Variants in PHF8 observed in about 807,000 individuals in gnomAD.
The protein encoded by PHF8 is PHD finger protein 8, also known as histone lysine demethylase PHF8.
In PHF8, 9 loss-of-function variants were observed where a neutral mutation model predicts 74.4. The observed-to-expected ratio is 0.12, with a 90% CI of 0.07 to 0.21. The LOEUF (loss-of-function observed/expected upper bound fraction) is 0.21. PHF8 is among the 10% of genes least tolerant of loss of function. The pLI is 1.00. For synonymous variants in PHF8, 311 were observed against 316.6 expected (o/e 0.98, Z 0.19); for missense variants, 478 against 816.6 (o/e 0.59, Z 5.05).
intron 18 of PHF8, among the ~76,000 whole-genome samples, chrX:53,967,296 G>A (rs1603306262): frequency 4.5e-5 from 4 of 87,934 alleles, no homozygotes; most frequent in South Asian, 5.4e-4. Context: ...CCGGCCAGCC[G>A]CCCCGTCCGG....
At chrX:54,020,981 G>T (rs782125787) in intron 4 of PHF8, among the ~76,000 whole-genome samples, 1 of 111,770 alleles carries the variant, frequency 8.9e-6, no homozygotes, top group African/African-American at 3.2e-5. Flanking sequence ...CTAAAAAGAC[G>T]AATGCACTGA....
chrX:54,009,794 G>A (rs1334087356), intron 8 of PHF8, among the ~76,000 whole-genome samples: 1 of 85,454 alleles, frequency 1.2e-5, no homozygotes, highest in Admixed American at 1.6e-4. Flanking sequence ...AGTGAGCCGG[G>A]ATCGCACCAC....
At chrX:53,973,795 GGATCTAATTAAATTAAAGAGCTTCTGCAC>G (rs1303624441) in intron 18 of PHF8, among the ~76,000 whole-genome samples, 1 of 111,414 alleles carries the variant, frequency 9.0e-6, no homozygotes, top group African/African-American at 3.3e-5. Context: ...TTGACAAATG[GGATCTAATTAAATTAAAGAGCTTCTGCAC>G]ATCAAAAGAA....
At chrX:54,022,183 G>A in intron 4 of PHF8, 76 bp downstream of exon 4, 1 of 609,353 alleles carries the variant, frequency 1.6e-6, no homozygotes, top group Non-Finnish European at 2.9e-6. Flanking sequence ...ACAGCCACTG[G>A]GAAAGCTGGG....
intron 11 of PHF8, among the ~76,000 whole-genome samples, chrX:53,998,395 A>C (rs1174537234): frequency 3.6e-5 from 4 of 111,671 alleles, no homozygotes; most frequent in Non-Finnish European, 7.5e-5. Flanking sequence ...CAGAGGCTGC[A>C]GTGAGCTGAG....
In PHF8 at chrX:53,984,986, C is replaced by T. The variant is rs2065537709; in HGVS notation, c.2371G>A (p.Glu791Lys). The T allele has an allele frequency of 5.0e-6, 6 of 1,208,870 alleles. No individual in the cohort carries two copies. The highest frequency in any genetic ancestry group is 1.8e-5 in the South Asian group (1 of 56,732). ...AGACTGGCGTTCTCCTCCTCCTCCT[C>T]GCTCTCGGTTCTCCAGTATGCTGGC... ...KRPAYWRTES[E>K]EEEENASLDE... is the part of the protein sequence containing the mutation. The change falls in exon 18 of 22, where the codon GAG becomes AAG. Residue 791 changes from glutamate (E) to lysine (K), a missense_variant. Transcript: ENST00000338154.
intron 2 of PHF8, among the ~76,000 whole-genome samples, chrX:54,036,273 T>G (rs2066454393): frequency 1.8e-5 from 2 of 110,069 alleles, no homozygotes; most frequent in Non-Finnish European, 3.8e-5. Context: ...CAAGATAGAC[T>G]CTGGGCTATA....
intron 2 of PHF8, among the ~76,000 whole-genome samples, chrX:54,036,765 G>A (rs1397527697): frequency 1.8e-5 from 2 of 108,386 alleles, no homozygotes; most frequent in African/African-American, 3.3e-5. Context: ...TTGGGAGGCC[G>A]AGGCGGGTGG....
chrX:54,036,080 C>T (rs1603344271), intron 2 of PHF8, among the ~76,000 whole-genome samples: 1 of 69,087 alleles, frequency 1.4e-5, no homozygotes, highest in Admixed American at 2.2e-4. Flanking sequence ...CCAGCCTGGG[C>T]AACAAGAGCG....
At chrX:54,030,715 T>C (rs1557112364) in intron 2 of PHF8, among the ~76,000 whole-genome samples, 1 of 112,093 alleles carries the variant, frequency 8.9e-6, no homozygotes, top group African/African-American at 3.2e-5. Flanking sequence ...CCACAACAAA[T>C]CAGGGCCTTC....
intron 19 of PHF8, among the ~76,000 whole-genome samples, chrX:53,954,499 C>CAAAAA (rs1180184175): frequency 0.022 from 266 of 12,262 alleles, no homozygotes; most frequent in Non-Finnish European, 0.025. Flanking sequence ...GACTCTGTCT[C>CAAAAA]AAAAAAAAAA....
chrX:54,042,256 G>T (rs1557116082), intron 2 of PHF8, among the ~76,000 whole-genome samples: 1 of 108,564 alleles, frequency 9.2e-6, no homozygotes, highest in South Asian at 4.1e-4. Flanking sequence ...AGCCGAGATC[G>T]CGCCATTGCA....
chrX:53,973,987 C>T (rs1376082224), intron 18 of PHF8, among the ~76,000 whole-genome samples: 2 of 111,133 alleles, frequency 1.8e-5, no homozygotes, highest in East Asian at 2.8e-4. Context: ...CAGCCGGGCG[C>T]GGTGGCTCAC....
rs2066199265 is a variant in PHF8, at chrX:54,022,695, A to G, written c.184+63T>C. 7 of 758,668 alleles carry G rather than the reference A, an allele frequency of 9.2e-6. No individual in the cohort carries two copies. In the South Asian group the frequency reaches 1.3e-4, roughly 14 times the overall value. 62.5% of individuals were successfully genotyped at this position (758,668 alleles called of 1,213,427 possible). ...TCAGGCAAAAGCAATCACTCCCCCA[A>G]ATTTCCTTTCCTTTGTCTCTCCTCT... On this transcript the variant is annotated intron_variant, in intron 3 of 21. Coordinates refer to ENST00000338154, the MANE Select transcript of PHF8 (RefSeq NM_015107.3).
At chrX:53,948,081 A>ATGG (rs1233764256) in intron 19 of PHF8, among the ~76,000 whole-genome samples, 4 of 111,750 alleles carry the variant, frequency 3.6e-5, no homozygotes, top group Non-Finnish European at 7.5e-5. Context: ...ACATAAGAAA[A>ATGG]TGGTGGTTGT....
At chrX:54,047,279 G>A (rs2066638861), upstream of PHF8, among the ~76,000 whole-genome samples, 1 of 112,301 alleles carries the variant, frequency 8.9e-6, no homozygotes. Flanking sequence ...TGAAAGGGGT[G>A]TGAGTTCACT....
chrX:54,011,902 A>C (rs1327839503), intron 7 of PHF8, among the ~76,000 whole-genome samples: 1 of 109,239 alleles, frequency 9.2e-6, no homozygotes, highest in Admixed American at 9.9e-5. Flanking sequence ...AAAACCCAGT[A>C]GCACAAATAT....
intron 18 of PHF8, among the ~76,000 whole-genome samples, chrX:53,964,885 AAAAG>A (rs2065158447): frequency 9.2e-6 from 1 of 108,877 alleles, no homozygotes; most frequent in African/African-American, 3.3e-5. Context: ...AAAAAAAAAA[AAAAG>A]AAAAGAAAGA....
At chrX:54,028,986 GGTT>G (rs1324565417) in intron 2 of PHF8, among the ~76,000 whole-genome samples, 2 of 112,247 alleles carry the variant, frequency 1.8e-5, no homozygotes, top group Non-Finnish European at 3.8e-5. Context: ...TACTTCACAA[GGTT>G]GTTATCAAAA....
Sources: allele counts gnomAD v4.1 joint callset (sites outside exome capture counted in the v4.1 genomes callset), GRCh38; gene constraint gnomAD v4.1.1; transcripts MANE v1.5; gene names NCBI Gene and HGNC (gene_info 2026-07-23, HGNC 2026-07-21).